Variants in DCC observed in about 807,000 individuals in gnomAD.
DCC encodes netrin receptor DCC.
Under a neutral mutation model 172.5 loss-of-function variants are expected in DCC, and 58 were observed. The observed-to-expected ratio is 0.34, with a 90% CI of 0.27 to 0.42. DCC has a LOEUF of 0.42. Among genes scored for constraint, DCC ranks in the 10% least tolerant of loss-of-function variants. The pLI, the probability that DCC is intolerant of heterozygous loss-of-function variation, is 1.00. For synonymous variants in DCC, 709 were observed against 644.5 expected (o/e 1.10, Z -1.52); for missense variants, 1,740 against 1,791.0 (o/e 0.97, Z 0.51).
intron 1 of DCC, among the ~76,000 whole-genome samples, chr18:52,515,281 A>G (rs1204408513): frequency 6.6e-6 from 1 of 152,122 alleles, no homozygotes; most frequent in Non-Finnish European, 1.5e-5. Flanking sequence ...CTCCACGTAT[A>G]TCTTATACCT....
At chr18:52,938,763 G>T (rs2040418465) in intron 5 of DCC, among the ~76,000 whole-genome samples, 1 of 151,990 alleles carries the variant, frequency 6.6e-6, no homozygotes, top group Admixed American at 6.6e-5. Context: ...TCAGCCTTAA[G>T]CCCTCTTTTT....
intron 2 of DCC, among the ~76,000 whole-genome samples, chr18:52,792,085 G>A (rs1568106509): frequency 1.3e-5 from 2 of 152,096 alleles, no homozygotes; most frequent in South Asian, 4.1e-4. Flanking sequence ...ATAAAGGACT[G>A]ACAATGTGCC....
intron 7 of DCC, among the ~76,000 whole-genome samples, chr18:53,120,027 A>G (rs980799726): frequency 5.3e-5 from 8 of 151,884 alleles, no homozygotes; most frequent in Non-Finnish European, 1.5e-5. Context: ...ATTACCCTGA[A>G]ATTTTTTATT....
At chr18:52,683,796 A>G (rs2035787148) in intron 1 of DCC, among the ~76,000 whole-genome samples, 2 of 152,256 alleles carry the variant, frequency 1.3e-5, no homozygotes, top group South Asian at 4.1e-4. Flanking sequence ...TGCTCAGTCA[A>G]GAAAGAAAAA....
At chr18:53,058,068 A>G (rs1460357202) in intron 5 of DCC, among the ~76,000 whole-genome samples, 1 of 152,116 alleles carries the variant, frequency 6.6e-6, no homozygotes, top group Non-Finnish European at 1.5e-5. Flanking sequence ...TGAGGAATGC[A>G]ATTCCAGACA....
chr18:53,295,966 G>A (rs1393866223), intron 12 of DCC, among the ~76,000 whole-genome samples: 2 of 152,074 alleles, frequency 1.3e-5, no homozygotes, highest in Admixed American at 6.6e-5. Flanking sequence ...ACCCATGCCC[G>A]GAGGTTCTAT....
At chr18:52,866,108 TATGGCTAGCTGATTTTCCCA>T (rs2039224928) in intron 2 of DCC, among the ~76,000 whole-genome samples, 1 of 152,234 alleles carries the variant, frequency 6.6e-6, no homozygotes, top group South Asian at 2.1e-4. Context: ...GTTTTCTGCA[TATGGCTAGCTGATTTTCCCA>T]ATGCTATTTA....
At chr18:52,662,903 T>A (rs2035389275) in intron 1 of DCC, among the ~76,000 whole-genome samples, 1 of 152,096 alleles carries the variant, frequency 6.6e-6, no homozygotes, top group Non-Finnish European at 1.5e-5. Context: ...ACTGGGTTTA[T>A]TTTATAAGAG....
Position 53,391,163 on chromosome 18 carries a change from A to G in DCC, c.2456-492A>G, listed in dbSNP as rs1432702635. 4.2e-5 allele frequency among the ~76,000 whole-genome samples: 5 copies of G among 119,768 alleles called. No individual in the cohort carries two copies. The East Asian group carries it at 8.3e-4, about 20-fold the overall frequency. The allele number at this position is 119,768 out of a possible 152,430, so 78.6% of individuals were successfully genotyped here. ...GTTTGCAGATATAAGCTAAGCAACAATGAAAACAGAGAAACCCTATTAAGT... is the reference window on the plus strand; with the variant it reads ...GTTTGCAGATATAAGCTAAGCAACAGTGAAAACAGAGAAACCCTATTAAGT... On this transcript the variant is annotated intron_variant, in intron 16 of 28. Transcript: ENST00000442544.
chr18:52,918,697 AAT>A (rs1293856633), intron 3 of DCC, among the ~76,000 whole-genome samples: 1 of 152,170 alleles, frequency 6.6e-6, no homozygotes, highest in African/African-American at 2.4e-5. Flanking sequence ...TAAAAATATA[AAT>A]ATACTTTCTT....
At chr18:53,446,483 T>G (rs1912620618) in intron 22 of DCC, among the ~76,000 whole-genome samples, 1 of 152,208 alleles carries the variant, frequency 6.6e-6, no homozygotes, top group Non-Finnish European at 1.5e-5. Context: ...CACTTGCCCC[T>G]TCTGGAGCCA....
intron 1 of DCC, among the ~76,000 whole-genome samples, chr18:52,423,817 T>G (rs1232471998): frequency 6.6e-6 from 1 of 152,154 alleles, no homozygotes; most frequent in Non-Finnish European, 1.5e-5. Flanking sequence ...ATGTTTAAAG[T>G]GTGACCTTTT....
intron 7 of DCC, among the ~76,000 whole-genome samples, chr18:53,109,644 G>A (rs1395822526): frequency 6.9e-6 from 1 of 145,170 alleles, no homozygotes; most frequent in Non-Finnish European, 1.5e-5. Context: ...GTAGAGCAGT[G>A]GTTCTTAACC....
chr18:52,826,146 TACC>T (rs1447757175), intron 2 of DCC, among the ~76,000 whole-genome samples: 1 of 152,234 alleles, frequency 6.6e-6, no homozygotes, highest in African/African-American at 2.4e-5. Context: ...TCAAAATTTT[TACC>T]ACCAGTTTGT....
At chr18:53,139,426 T>C (rs2043797388) in intron 7 of DCC, among the ~76,000 whole-genome samples, 1 of 151,554 alleles carries the variant, frequency 6.6e-6, no homozygotes, top group African/African-American at 2.4e-5. Flanking sequence ...AAGTGTCCAA[T>C]GTCATGCACT....
chr18:53,306,142 C>T (rs1555649957), intron 13 of DCC, among the ~76,000 whole-genome samples: 1 of 152,088 alleles, frequency 6.6e-6, no homozygotes, highest in Non-Finnish European at 1.5e-5. Context: ...GATTGTAAAA[C>T]AAAGAGAGAG....
intron 12 of DCC, among the ~76,000 whole-genome samples, chr18:53,286,609 A>AGGC (rs1205373894): frequency 2.0e-5 from 3 of 152,214 alleles, no homozygotes; most frequent in African/African-American, 7.2e-5. Context: ...ATGTCCTCAG[A>AGGC]GGCAGCACTT....
chr18:53,366,837 A>C (rs1429570234), intron 15 of DCC, among the ~76,000 whole-genome samples: 1 of 152,178 alleles, frequency 6.6e-6, no homozygotes, highest in African/African-American at 2.4e-5. Context: ...CCACTCACAG[A>C]ATGCAGTAGA....
intron 1 of DCC, among the ~76,000 whole-genome samples, chr18:52,520,331 T>C (rs956257839): frequency 6.6e-6 from 1 of 152,240 alleles, no homozygotes; most frequent in Admixed American, 6.5e-5. Context: ...GTAGCATAAG[T>C]GGTTACTGCT....
Sources: gnomAD v4.1 joint callset for allele counts (sites outside exome capture counted in the v4.1 genomes callset) on GRCh38, gnomAD v4.1.1 for gene constraint, MANE v1.5 for transcripts, NCBI Gene and HGNC (gene_info 2026-07-23, HGNC 2026-07-21) for gene names.